The following RBFOX3 variants were observed in gnomAD, a reference collection of about 807,000 sequenced individuals.
RBFOX3 encodes the protein RNA binding fox-1 homolog 3.
In RBFOX3, 17 loss-of-function variants were observed where a neutral mutation model predicts 48.7. The ratio of observed to expected loss-of-function variants is 0.35; its 90% confidence interval spans 0.24 to 0.52. The LOEUF (loss-of-function observed/expected upper bound fraction) is 0.52. Ranked by LOEUF, RBFOX3 falls within the 20% of genes least tolerant of loss-of-function variation. The probability of loss-of-function intolerance (pLI) is 0.94; values close to 1 mark genes in which losing one functional copy is unlikely to be tolerated. For missense variants in RBFOX3, 382 were observed against 497.5 expected (o/e 0.77, Z 2.21); for synonymous variants, 212 against 209.5 (o/e 1.01, Z -0.10).
chr17:79,221,672 C>A (rs894815701), intron 4 of RBFOX3, among the ~76,000 whole-genome samples: 2 of 151,864 alleles, frequency 1.3e-5, no homozygotes, highest in Non-Finnish European at 2.9e-5. Context: ...CAGAGGTCTT[C>A]CCACCCTGTC....
At chr17:79,389,596 C>A (rs2148146379) in intron 2 of RBFOX3, among the ~76,000 whole-genome samples, 1 of 152,360 alleles carries the variant, frequency 6.6e-6, no homozygotes, top group Admixed American at 6.5e-5. Context: ...GGTCTCCACT[C>A]AGGTAAGGGC....
At chr17:79,618,421 G>GA in the RBFOX3 span, among the ~76,000 whole-genome samples, 1 of 152,112 alleles carries the variant, frequency 6.6e-6, no homozygotes, top group East Asian at 1.9e-4. Flanking sequence ...TTAAAAATAG[G>GA]AAAAATCCAT....
At chr17:79,179,232 CT>C (rs200865734) in intron 4 of RBFOX3, among the ~76,000 whole-genome samples, 15,787 of 152,290 alleles carry the variant, frequency 0.1, 902 homozygotes, top group Admixed American at 0.14. Flanking sequence ...CCTAATGAAT[CT>C]CAGAACAGAC....
At position 79,403,487 on chromosome 17, in the gene RBFOX3, C is replaced by T. The variant is rs371648729; in HGVS notation, c.-175+78967G>A. 1.3e-3 allele frequency among the ~76,000 whole-genome samples: 201 copies of T among 152,346 alleles called. No homozygotes were observed. In the Middle Eastern group the frequency reaches 0.014, roughly 10 times the overall value. On this transcript the variant is annotated intron_variant, in intron 2 of 14. Transcript: ENST00000693108. Reference sequence around the variant, plus strand: ...CAGACTCCAGAGCTCAGGAATAATCCGTGAACACAGCCCCACCATGGACTT... The same window carrying T: ...CAGACTCCAGAGCTCAGGAATAATCTGTGAACACAGCCCCACCATGGACTT...
chr17:79,420,125 T>TCA (rs1362849426), intron 2 of RBFOX3, among the ~76,000 whole-genome samples: 1,584 of 25,202 alleles, frequency 0.063, 19 homozygotes, highest in East Asian at 0.16. Context: ...AGACTCCGTC[T>TCA]CATACACACA....
intron 4 of RBFOX3, among the ~76,000 whole-genome samples, chr17:79,157,669 G>A (rs186687201): frequency 3.3e-5 from 5 of 152,250 alleles, no homozygotes; most frequent in South Asian, 2.1e-4. Flanking sequence ...CAGCTCTGCC[G>A]GGGGACAGAG....
chr17:79,211,856 G>A (rs146546842), intron 4 of RBFOX3, among the ~76,000 whole-genome samples: 368 of 152,234 alleles, frequency 2.4e-3, no homozygotes, highest in African/African-American at 8.2e-3. Context: ...CTGGACTTTC[G>A]GTTAGGCCCT....
At chr17:79,219,446 A>T (rs2059450726) in intron 4 of RBFOX3, among the ~76,000 whole-genome samples, 1 of 152,030 alleles carries the variant, frequency 6.6e-6, no homozygotes. Flanking sequence ...ACATACCCTA[A>T]ACCTTTCCTT....
intron 4 of RBFOX3, among the ~76,000 whole-genome samples, chr17:79,209,030 A>G (rs2057971758): frequency 6.6e-6 from 1 of 151,742 alleles, no homozygotes; most frequent in Non-Finnish European, 1.5e-5. Context: ...CGTGTTAGCC[A>G]GGATGGTCTC....
intron 1 of RBFOX3, among the ~76,000 whole-genome samples, chr17:79,514,504 G>A (rs1460807116): frequency 5.3e-5 from 8 of 152,254 alleles, no homozygotes; most frequent in African/African-American, 1.7e-4. Context: ...GTCACGCCTC[G>A]TTGTTGTGAT....
chr17:79,256,134 C>T (rs2064809704), intron 3 of RBFOX3, among the ~76,000 whole-genome samples: 4 of 151,834 alleles, frequency 2.6e-5, no homozygotes, highest in Non-Finnish European at 4.4e-5. Context: ...CTCCCAGCCC[C>T]GCCAGGTGTG....
intron 1 of RBFOX3, among the ~76,000 whole-genome samples, chr17:79,512,629 A>G (rs1408248910): frequency 7.8e-4 from 92 of 117,452 alleles, no homozygotes; most frequent in African/African-American, 2.0e-3. Context: ...ACCCGGATAC[A>G]TGTTACCATC....
At chr17:79,177,214 C>T (rs988042101) in intron 4 of RBFOX3, among the ~76,000 whole-genome samples, 3 of 152,126 alleles carry the variant, frequency 2.0e-5, no homozygotes, top group Admixed American at 2.0e-4. Context: ...TCCTCTCCCC[C>T]CCCGCCCTCT....
In RBFOX3 at chr17:79,107,318, A is replaced by G. The variant is rs553267216; in HGVS notation, c.223-530T>C. On this transcript the variant is annotated intron_variant, in intron 5 of 14. Transcript: ENST00000693108. ...CTGCTTATTCCAGCCTGCTGCTGCC[A>G]CTCAGAACCTTTGGGGTTCACCTCC... Among the ~76,000 whole-genome samples the G allele has an allele frequency of 1.8e-3, 270 of 152,130 alleles. 1 individual carries two copies. Among genetic ancestry groups the G allele is most frequent in the Non-Finnish European group, 3.1e-3 (214 of 67,988 alleles).
chr17:79,275,695 G>A (rs2068670615), intron 3 of RBFOX3, among the ~76,000 whole-genome samples: 1 of 152,090 alleles, frequency 6.6e-6, no homozygotes, highest in Admixed American at 6.5e-5. Context: ...ATCTGGTTAC[G>A]GTAGCTCCCC....
chr17:79,156,869 G>C (rs1261559949), intron 4 of RBFOX3, among the ~76,000 whole-genome samples: 1 of 152,156 alleles, frequency 6.6e-6, no homozygotes, highest in Non-Finnish European at 1.5e-5. Flanking sequence ...AGGAGTCCCG[G>C]GAGGAAACGG....
intron 2 of RBFOX3, among the ~76,000 whole-genome samples, chr17:79,436,141 C>A (rs1471657108): frequency 2.0e-5 from 3 of 152,218 alleles, no homozygotes; most frequent in African/African-American, 7.2e-5. Flanking sequence ...AGAATGTCAG[C>A]AAACACCCCC....
intron 1 of RBFOX3, among the ~76,000 whole-genome samples, chr17:79,560,259 C>G (rs1021619473): frequency 2.6e-5 from 4 of 152,198 alleles, no homozygotes; most frequent in Admixed American, 6.5e-5. Context: ...CAGGGAAAGG[C>G]TGAGGGAGAC....
the RBFOX3 span, among the ~76,000 whole-genome samples, chr17:79,664,595 G>A: frequency 0.014 from 2,072 of 152,210 alleles, 40 homozygotes; most frequent in African/African-American, 0.048. Flanking sequence ...TGATCCACCC[G>A]CCTCGGCCTC....
Sources: gnomAD v4.1 joint callset for allele counts (sites outside exome capture counted in the v4.1 genomes callset) on GRCh38, gnomAD v4.1.1 for gene constraint, MANE v1.5 for transcripts, NCBI Gene and HGNC (gene_info 2026-07-23, HGNC 2026-07-21) for gene names.